The following CNTN6 variants were observed in gnomAD, a reference collection of about 807,000 sequenced individuals.
The protein encoded by CNTN6 is contactin 6.
In CNTN6, 137 loss-of-function variants were observed where a neutral mutation model predicts 122.8. The observed-to-expected ratio is 1.12, with a 90% CI of 0.97 to 1.29. The LOEUF (loss-of-function observed/expected upper bound fraction) is 1.29, where lower values mean the gene tolerates loss of function less well. CNTN6 is among the 50% of genes most tolerant of loss of function. The pLI is 0.00. For missense variants in CNTN6, 1,634 were observed against 1,223.4 expected (o/e 1.34, Z -5.01); for synonymous variants, 570 against 426.0 (o/e 1.34, Z -4.16).
intron 12 of CNTN6, among the ~76,000 whole-genome samples, chr3:1,363,228 G>T (rs1707733904): frequency 6.6e-6 from 1 of 151,852 alleles, no homozygotes. Context: ...TCTTTTGTGT[G>T]TGTCTCTGCG....
At chr3:1,378,252 G>T (rs1710169868) in intron 17 of CNTN6, among the ~76,000 whole-genome samples, 1 of 152,136 alleles carries the variant, frequency 6.6e-6, no homozygotes, top group African/African-American at 2.4e-5. Context: ...GCCACCGTGG[G>T]CTGTCTGGAT....
intron 4 of CNTN6, among the ~76,000 whole-genome samples, chr3:1,258,574 A>C (rs1305247607): frequency 6.6e-6 from 1 of 152,098 alleles, no homozygotes; most frequent in East Asian, 1.9e-4. Context: ...CCTTTAATAA[A>C]AAAGCGTGGG....
At chr3:1,387,184 C>G (rs1693141965) in intron 20 of CNTN6, among the ~76,000 whole-genome samples, 1 of 151,626 alleles carries the variant, frequency 6.6e-6, no homozygotes, top group African/African-American at 2.4e-5. Context: ...GGTACTGATT[C>G]TGGAAGCATC....
At chr3:1,251,431 A>C (rs1162867824) in intron 4 of CNTN6, among the ~76,000 whole-genome samples, 1 of 151,582 alleles carries the variant, frequency 6.6e-6, no homozygotes, top group Non-Finnish European at 1.5e-5. Flanking sequence ...TTCCCTCTAT[A>C]CTGAGACAAA....
At chr3:1,393,094 A>G (rs1576070207) in intron 20 of CNTN6, among the ~76,000 whole-genome samples, 1 of 50,958 alleles carries the variant, frequency 2.0e-5, no homozygotes. Context: ...GCTGCTATAA[A>G]GACACATGCA....
At chr3:1,313,155 C>T (rs923949032) in intron 7 of CNTN6, among the ~76,000 whole-genome samples, 8 of 152,146 alleles carry the variant, frequency 5.3e-5, no homozygotes, top group African/African-American at 1.9e-4. Flanking sequence ...CTCCTAAGAG[C>T]AGCAGAGGTA....
intron 7 of CNTN6, among the ~76,000 whole-genome samples, chr3:1,310,778 G>C (rs1462955062): frequency 1.3e-5 from 2 of 152,154 alleles, no homozygotes; most frequent in Non-Finnish European, 2.9e-5. Context: ...GAGGCGGGCA[G>C]ATCGCCTGAG....
chr3:1,390,966 A>C (rs1694052666), intron 20 of CNTN6, among the ~76,000 whole-genome samples: 1 of 146,948 alleles, frequency 6.8e-6, no homozygotes, highest in Non-Finnish European at 1.5e-5. Flanking sequence ...GCCGAATTCT[A>C]CCAGAGGTAC....
At chr3:1,142,312 C>T (rs971772860) in intron 1 of CNTN6, among the ~76,000 whole-genome samples, 3 of 151,894 alleles carry the variant, frequency 2.0e-5, no homozygotes, top group African/African-American at 7.3e-5. Flanking sequence ...CTCACTGTCA[C>T]AGCAATAATT....
rs200347218 is a variant in CNTN6, at chr3:1,402,457, G to C, written c.2957G>C (p.Ser986Thr). ...AGTGATGGTGGAGATGGAAGCAGCA[G>C]TGAGGAAATTAGGATTCCAAAAATG... is the stretch of plus-strand genomic sequence containing the variant. The part of the protein sequence containing the change: ...TVSDGGDGSS[S>T]EEIRIPKMSS... The change falls in exon 22 of 23, where the codon AGT (serine) becomes ACT (threonine). Residue 986 changes from serine to threonine, a missense_variant. Coordinates refer to ENST00000446702, the MANE Select transcript of CNTN6 (RefSeq NM_001289080.2). The C allele has an allele frequency of 3.9e-4, 631 of 1,610,722 alleles. 6 individuals carry two copies. The South Asian group carries it at 6.6e-3, about 17-fold the overall frequency.
chr3:1,277,173 C>G (rs1030307161), intron 4 of CNTN6, among the ~76,000 whole-genome samples: 1 of 152,056 alleles, frequency 6.6e-6, no homozygotes, highest in African/African-American at 2.4e-5. Flanking sequence ...TTTCAGTCTA[C>G]ACTCAAGGAC....
At chr3:1,393,606 C>G (rs1209965522) in intron 20 of CNTN6, among the ~76,000 whole-genome samples, 3 of 144,284 alleles carry the variant, frequency 2.1e-5, no homozygotes, top group African/African-American at 7.6e-5. Flanking sequence ...GTTTCTATCT[C>G]AAGCAAAATC....
chr3:1,251,917 G>A (rs1452320402), intron 4 of CNTN6, among the ~76,000 whole-genome samples: 2 of 152,092 alleles, frequency 1.3e-5, no homozygotes, highest in African/African-American at 2.4e-5. Context: ...AGCCAGGATG[G>A]ACTTTGGCTG....
chr3:1,224,891 G>A (rs1182709447), intron 3 of CNTN6, among the ~76,000 whole-genome samples: 4 of 152,030 alleles, frequency 2.6e-5, no homozygotes, highest in Non-Finnish European at 5.9e-5. Flanking sequence ...GATTACAGGC[G>A]TGTGCCACTA....
chr3:1,243,805 G>C (rs2094521629), intron 4 of CNTN6, among the ~76,000 whole-genome samples: 1 of 152,038 alleles, frequency 6.6e-6, no homozygotes, highest in Admixed American at 6.6e-5. Context: ...GAAGTATTGG[G>C]ACTTAGCTGG....
rs1559595314 is a variant in CNTN6, at chr3:1,245,223, T to TATAAC, written c.358+17233_358+17234insACATA. Among the ~76,000 whole-genome samples, 62 of 18,788 alleles carry TATAAC rather than the reference T, an allele frequency of 3.3e-3. 6 individuals are homozygous for TATAAC. Among genetic ancestry groups the TATAAC allele is most frequent in the Non-Finnish European group, 4.9e-3 (54 of 11,054 alleles). 12.3% of individuals were successfully genotyped at this position (18,788 alleles called of 152,430 possible). A position where few individuals can be genotyped will look rare whatever the true frequency, so the allele number is the denominator to read the frequency against. On this transcript the variant is annotated intron_variant, in intron 4 of 22. Coordinates refer to ENST00000446702, the MANE Select transcript of CNTN6 (RefSeq NM_001289080.2). ...ATATATATATATATATATATATATA[T>TATAAC]ATATATATATATACACACACACATA...
At position 1,286,151 on chromosome 3, in the gene CNTN6, T is replaced by C. The variant is rs150461659; in HGVS notation, c.454+7643T>C. The stretch of plus-strand genomic sequence containing the variant: ...AGGATTTTCCAACACTGGTACACTT[T>C]GTGGCAGTAGGGCCAGATGTTGGGG... On this transcript the variant is annotated intron_variant, in intron 5 of 22. Coordinates refer to ENST00000446702, the MANE Select transcript of CNTN6 (RefSeq NM_001289080.2). Among the ~76,000 whole-genome samples, 376 of 152,340 alleles carry C rather than the reference T, an allele frequency of 2.5e-3. 1 individual carries two copies. Among genetic ancestry groups the C allele is most frequent in the African/African-American group, 8.5e-3 (354 of 41,586 alleles).
chr3:1,399,505 A>G (rs1695405399), intron 20 of CNTN6, among the ~76,000 whole-genome samples: 1 of 152,148 alleles, frequency 6.6e-6, no homozygotes, highest in South Asian at 2.1e-4. Context: ...CAAGAAATGT[A>G]CCAGGACATG....
At chr3:1,143,000 A>ATG (rs1321155071) in intron 1 of CNTN6, among the ~76,000 whole-genome samples, 7 of 135,402 alleles carry the variant, frequency 5.2e-5, no homozygotes. Context: ...ATATATATAT[A>ATG]TATGTATATG....
Sources: gnomAD v4.1 joint callset for allele counts (sites outside exome capture counted in the v4.1 genomes callset) on GRCh38, gnomAD v4.1.1 for gene constraint, MANE v1.5 for transcripts, NCBI Gene and HGNC (gene_info 2026-07-23, HGNC 2026-07-21) for gene names.